EYS: variants seen among roughly 807,000 people sequenced by gnomAD.
EYS encodes protein eyes shut homolog.
In EYS, 250 loss-of-function variants were observed where a neutral mutation model predicts 282.1. The observed-to-expected ratio is 0.89, with a 90% confidence interval of 0.80 to 0.98. EYS has a LOEUF of 0.98. Among genes scored for constraint, EYS ranks in the 50% least tolerant of loss-of-function variants. The pLI, the probability that EYS is intolerant of heterozygous loss-of-function variation, is 0.00. For synonymous variants in EYS, 1,355 were observed against 1,282.9 expected, an observed-to-expected ratio of 1.06 and a Z score of -1.20; for missense variants, 4,016 against 3,709.0, an observed-to-expected ratio of 1.08 and a Z score of -2.15.
Position 64,686,806 on chromosome 6 carries a change from T to TGTATATATATACAC in EYS, c.3444-60562_3444-60561insGTGTATATATATAC. 6.5e-5 allele frequency among the ~76,000 whole-genome samples: 4 copies of TGTATATATATACAC among 61,266 alleles called. 1 individual carries two copies. The East Asian group carries it at 1.3e-3, about 19-fold the overall frequency. The allele number at this position is 61,266 out of a possible 152,430, so 40.2% of individuals were successfully genotyped here. On this transcript the variant is annotated intron_variant, in intron 22 of 42. Transcript: ENST00000503581. ...ATATATATGTGTGTATATATATATGTGTGTATATATATATGTGTATATATA... is the reference window on the plus strand; with the variant it reads ...ATATATATGTGTGTATATATATATGTGTATATATATACACGTGTATATATATATGTGTATATATA...
At chr6:64,568,567 A>G (rs1210209313) in intron 26 of EYS, among the ~76,000 whole-genome samples, 1 of 152,146 alleles carries the variant, frequency 6.6e-6, no homozygotes, top group African/African-American at 2.4e-5. Context: ...AGCAGACTTA[A>G]ATGTTCCTGC....
intron 29 of EYS, among the ~76,000 whole-genome samples, chr6:64,356,365 A>C (rs1471602105): frequency 1.3e-5 from 2 of 151,596 alleles, no homozygotes; most frequent in African/African-American, 4.8e-5. Flanking sequence ...TATTTACTCT[A>C]GTAATTTATT....
intron 31 of EYS, among the ~76,000 whole-genome samples, chr6:64,206,851 A>G (rs1475181500): frequency 2.6e-5 from 4 of 152,204 alleles, no homozygotes; most frequent in Non-Finnish European, 5.9e-5. Context: ...GTTCAGGGGT[A>G]TATGTATAGG....
intron 12 of EYS, among the ~76,000 whole-genome samples, chr6:65,251,934 G>A (rs1172943036): frequency 2.0e-5 from 3 of 151,764 alleles, no homozygotes; most frequent in African/African-American, 7.3e-5. Context: ...AAGCAATTCC[G>A]TCATGCTGGT....
At chr6:65,417,694 A>G (rs915957106) in intron 5 of EYS, among the ~76,000 whole-genome samples, 2 of 152,074 alleles carry the variant, frequency 1.3e-5, no homozygotes, top group African/African-American at 4.8e-5. Context: ...TAAACCACAC[A>G]GTGCTTTAAG....
chr6:65,464,009 T>C (rs1401781807), intron 5 of EYS, among the ~76,000 whole-genome samples: 4 of 152,200 alleles, frequency 2.6e-5, no homozygotes, highest in African/African-American at 4.8e-5. Flanking sequence ...GGTGCTTTTA[T>C]CTTTATCCTA....
At chr6:63,975,316 AACACAAAAGAGGC>A (rs1562127048) in intron 35 of EYS, among the ~76,000 whole-genome samples, 9 of 152,016 alleles carry the variant, frequency 5.9e-5, no homozygotes, top group Non-Finnish European at 2.9e-5. Flanking sequence ...TACACTGCTT[AACACAAAAGAGGC>A]TCTACAGCAC....
chr6:65,681,271 C>A (rs1410415353), intron 1 of EYS, among the ~76,000 whole-genome samples: 1 of 151,682 alleles, frequency 6.6e-6, no homozygotes, highest in African/African-American at 2.4e-5. Context: ...TGGCAACCAA[C>A]TGTCATCATC....
chr6:65,364,811 T>C (rs1304688985), intron 8 of EYS, among the ~76,000 whole-genome samples: 1 of 151,694 alleles, frequency 6.6e-6, no homozygotes, highest in Non-Finnish European at 1.5e-5. Context: ...ATTATGGAGT[T>C]AGAAGAGAGG....
intron 26 of EYS, among the ~76,000 whole-genome samples, chr6:64,579,165 T>C (rs79253092): frequency 1.9e-3 from 288 of 152,240 alleles, no homozygotes; most frequent in African/African-American, 6.7e-3. Context: ...GCTCCCTTGC[T>C]TTAATCAATT....
intron 2 of EYS, among the ~76,000 whole-genome samples, chr6:65,563,729 T>C (rs1475872632): frequency 6.6e-6 from 1 of 152,104 alleles, no homozygotes; most frequent in Non-Finnish European, 1.5e-5. Context: ...GATAGGCAGA[T>C]AATAGTAGGG....
At chr6:65,379,484 T>C (rs1562136735) in intron 8 of EYS, among the ~76,000 whole-genome samples, 1 of 152,032 alleles carries the variant, frequency 6.6e-6, no homozygotes, top group East Asian at 1.9e-4. Flanking sequence ...ATAAGGGCTA[T>C]TTATGACAAA....
At chr6:64,032,165 G>C (rs1410355938) in intron 33 of EYS, among the ~76,000 whole-genome samples, 1 of 152,004 alleles carries the variant, frequency 6.6e-6, no homozygotes, top group South Asian at 2.1e-4. Context: ...CACTCCTGAG[G>C]CGGCGAGACC....
intron 35 of EYS, among the ~76,000 whole-genome samples, chr6:63,866,012 T>C (rs2149710472): frequency 6.6e-6 from 1 of 152,284 alleles, no homozygotes. Context: ...TGCATAGCAT[T>C]CTACACATTG....
intron 15 of EYS, among the ~76,000 whole-genome samples, chr6:64,934,343 A>G (rs2150088934): frequency 6.6e-6 from 1 of 151,972 alleles, no homozygotes; most frequent in African/African-American, 2.4e-5. Context: ...GGATAGATAA[A>G]TGCTTTGAAA....
chr6:65,108,898 G>A (rs1775123943), intron 12 of EYS, among the ~76,000 whole-genome samples: 1 of 151,548 alleles, frequency 6.6e-6, no homozygotes. Flanking sequence ...TATTCTTTCT[G>A]TTCTTCACCT....
intron 16 of EYS, among the ~76,000 whole-genome samples, chr6:64,906,983 A>T (rs1321507325): frequency 6.6e-6 from 1 of 152,106 alleles, no homozygotes; most frequent in Non-Finnish European, 1.5e-5. Context: ...AAACACACAC[A>T]TTCTCATGCA....
intron 12 of EYS, among the ~76,000 whole-genome samples, chr6:65,090,279 A>T (rs1774519800): frequency 6.6e-6 from 1 of 152,132 alleles, no homozygotes; most frequent in Non-Finnish European, 1.5e-5. Context: ...ATGGTTTTAT[A>T]AGCATATGGC....
chr6:64,149,702 A>G (rs1582344025), intron 31 of EYS, among the ~76,000 whole-genome samples: 1 of 152,212 alleles, frequency 6.6e-6, no homozygotes, highest in African/African-American at 2.4e-5. Context: ...AGTAACTCGT[A>G]CAATGCACAC....
Sources: allele counts gnomAD v4.1 joint callset (sites outside exome capture counted in the v4.1 genomes callset), GRCh38; gene constraint gnomAD v4.1.1; transcripts MANE v1.5; gene names NCBI Gene and HGNC (gene_info 2026-07-23, HGNC 2026-07-21).